The following CNTNAP4 variants were observed in gnomAD, a reference collection of about 807,000 sequenced individuals.
The protein encoded by CNTNAP4 is contactin-associated protein-like 4.
A neutral mutation model predicts 148.4 loss-of-function variants in CNTNAP4; 98 were observed. The ratio of observed to expected loss-of-function variants is 0.66; its 90% CI spans 0.56 to 0.78. CNTNAP4 has a LOEUF of 0.78. CNTNAP4 is among the 30% of genes least tolerant of loss of function. CNTNAP4 has a pLI of 0.00. For synonymous variants in CNTNAP4, 730 were observed against 565.1 expected (o/e 1.29, Z -4.14); for missense variants, 1,935 against 1,565.6 (o/e 1.24, Z -3.98).
chr16:76,361,786 A>G (rs1337434747), intron 3 of CNTNAP4, among the ~76,000 whole-genome samples: 2 of 152,120 alleles, frequency 1.3e-5, no homozygotes, highest in Non-Finnish European at 2.9e-5. Flanking sequence ...TCTACCAACT[A>G]TGTACTAGGG....
intron 1 of CNTNAP4, among the ~76,000 whole-genome samples, chr16:76,292,316 C>G (rs146155243): frequency 1.3e-4 from 20 of 152,178 alleles, no homozygotes; most frequent in African/African-American, 4.8e-4. Flanking sequence ...CTTGCCTCTT[C>G]GAGCACTATC....
intron 4 of CNTNAP4, among the ~76,000 whole-genome samples, chr16:76,441,807 A>C (rs995589583): frequency 2.6e-5 from 4 of 152,156 alleles, no homozygotes; most frequent in Non-Finnish European, 4.4e-5. Context: ...AATAAATCCT[A>C]GTGCTAGCAT....
At chr16:76,346,300 G>A (rs17766584) in intron 2 of CNTNAP4, among the ~76,000 whole-genome samples, 18,157 of 151,738 alleles carry the variant, frequency 0.12, 1,491 homozygotes, top group East Asian at 0.34. Context: ...TAGTAATGCC[G>A]GCTTTTCTAC....
intron 12 of CNTNAP4, among the ~76,000 whole-genome samples, chr16:76,489,389 AAAT>A (rs2082132233): frequency 6.6e-6 from 1 of 152,190 alleles, no homozygotes; most frequent in African/African-American, 2.4e-5. Flanking sequence ...TACATCACAA[AAAT>A]AATCAGATTT....
At chr16:76,440,078 T>C (rs1057308868) in intron 4 of CNTNAP4, among the ~76,000 whole-genome samples, 1 of 152,146 alleles carries the variant, frequency 6.6e-6, no homozygotes, top group African/African-American at 2.4e-5. Context: ...TTCAAATAAA[T>C]AAACAGTATG....
intron 15 of CNTNAP4, among the ~76,000 whole-genome samples, chr16:76,514,585 G>T (rs2083169654): frequency 6.6e-6 from 1 of 152,080 alleles, no homozygotes; most frequent in Admixed American, 6.6e-5. Context: ...GTGTGGGGGT[G>T]GTTAGGGGGT....
At chr16:76,420,273 G>GCATATATATTA (rs1555550111) in intron 3 of CNTNAP4, among the ~76,000 whole-genome samples, 1 of 147,120 alleles carries the variant, frequency 6.8e-6, no homozygotes. Context: ...ATATTCTATA[G>GCATATATATTA]GAGATAAATA....
Position 76,427,594 on chromosome 16 carries a change from C to T in CNTNAP4, c.533C>T (p.Ala178Val). The part of the protein sequence containing the change: ...IGMRIEVFGC[A>V]YRSEVVDLDG... ...ATGCGAATCGAAGTGTTCGGATGTG[C>T]ATACAGTAAGTGTTTGTTTATCCAA... The change falls in exon 4 of 24, where the codon GCA becomes GTA. Residue 178 changes from alanine (A) to valine (V), a missense_variant. Transcript: ENST00000611870. The T allele has an allele frequency of 6.2e-7, 1 of 1,605,428 alleles. No individual in the cohort carries two copies. The highest frequency in any genetic ancestry group is 1.7e-5 in the Admixed American group (1 of 58,346).
At chr16:76,331,402 A>C (rs1426714662) in intron 2 of CNTNAP4, among the ~76,000 whole-genome samples, 1 of 151,492 alleles carries the variant, frequency 6.6e-6, no homozygotes, top group Admixed American at 6.6e-5. Context: ...GTTAGCCAGG[A>C]TGGTCTCGAT....
chr16:76,395,876 G>A (rs1269506697), intron 3 of CNTNAP4, among the ~76,000 whole-genome samples: 2 of 151,818 alleles, frequency 1.3e-5, no homozygotes, highest in East Asian at 3.9e-4. Flanking sequence ...CTACAGGTGT[G>A]TCCCACAATG....
intron 19 of CNTNAP4, among the ~76,000 whole-genome samples, chr16:76,539,077 T>G (rs952179155): frequency 6.6e-6 from 1 of 152,082 alleles, no homozygotes; most frequent in Non-Finnish European, 1.5e-5. Context: ...TTATTCTTAC[T>G]GTGCATTTTG....
At chr16:76,342,091 T>G (rs931085824) in intron 2 of CNTNAP4, among the ~76,000 whole-genome samples, 33 of 152,196 alleles carry the variant, frequency 2.2e-4, no homozygotes, top group African/African-American at 8.0e-4. Flanking sequence ...TTCCTTTGTT[T>G]TGAAAGCATC....
chr16:76,321,958 G>A (rs1196788663), intron 2 of CNTNAP4, among the ~76,000 whole-genome samples: 4 of 152,122 alleles, frequency 2.6e-5, no homozygotes, highest in African/African-American at 9.7e-5. Context: ...CAACTGGTAT[G>A]AGTCTGAAAT....
chr16:76,460,564 A>G (rs528423995), intron 8 of CNTNAP4, among the ~76,000 whole-genome samples: 178 of 146,400 alleles, frequency 1.2e-3, no homozygotes, highest in African/African-American at 3.8e-3. Flanking sequence ...GATCGAGACC[A>G]TCCTGGCTAA....
chr16:76,500,195 C>T (rs2082572985), intron 15 of CNTNAP4, among the ~76,000 whole-genome samples: 2 of 151,982 alleles, frequency 1.3e-5, no homozygotes, highest in Admixed American at 1.3e-4. Flanking sequence ...CTGCCCCCCA[C>T]CTCCCTCCCG....
intron 1 of CNTNAP4, among the ~76,000 whole-genome samples, chr16:76,292,214 A>T (rs1046817622): frequency 6.6e-6 from 1 of 152,124 alleles, no homozygotes; most frequent in South Asian, 2.1e-4. Context: ...AAGAGTCCAC[A>T]TTTCTTTTGG....
At chr16:76,543,442 A>T (rs2084549054) in intron 21 of CNTNAP4, among the ~76,000 whole-genome samples, 1 of 152,252 alleles carries the variant, frequency 6.6e-6, no homozygotes, top group South Asian at 2.1e-4. Flanking sequence ...GGTCCTCCAA[A>T]CAACAGCTGT....
chr16:76,522,920 G>A (rs1409380188), intron 17 of CNTNAP4, among the ~76,000 whole-genome samples: 1 of 151,098 alleles, frequency 6.6e-6, no homozygotes, highest in Admixed American at 6.6e-5. Flanking sequence ...CTACCACTAC[G>A]CCTGGCTAAT....
At chr16:76,348,619 G>A (rs1242183748) in intron 2 of CNTNAP4, among the ~76,000 whole-genome samples, 1 of 152,136 alleles carries the variant, frequency 6.6e-6, no homozygotes, top group Non-Finnish European at 1.5e-5. Context: ...AGTCTATTTG[G>A]GCATTGAGAA....
Sources: gnomAD v4.1 joint callset for allele counts (sites outside exome capture counted in the v4.1 genomes callset) on GRCh38, gnomAD v4.1.1 for gene constraint, MANE v1.5 for transcripts, NCBI Gene and HGNC (gene_info 2026-07-23, HGNC 2026-07-21) for gene names.